Variants in MGAT4C observed in about 807,000 individuals in gnomAD.
MGAT4C encodes the protein alpha-1,3-mannosyl-glycoprotein 4-beta-N-acetylglucosaminyltransferase C.
MGAT4C carries 19 observed loss-of-function variants against 40.1 expected under a neutral mutation model. The observed-to-expected ratio is 0.47, with a 90% CI of 0.33 to 0.70. MGAT4C has a LOEUF of 0.70. MGAT4C is among the 30% of genes least tolerant of loss of function. The pLI is 0.02. For synonymous variants in MGAT4C, 181 were observed against 187.1 expected, an observed-to-expected ratio of 0.97 and a Z score of 0.27; for missense variants, 491 against 563.2, an observed-to-expected ratio of 0.87 and a Z score of 1.30.
At chr12:86,030,502 A>T (rs186911646) in intron 2 of MGAT4C, among the ~76,000 whole-genome samples, 1 of 151,890 alleles carries the variant, frequency 6.6e-6, no homozygotes, top group East Asian at 1.9e-4. Context: ...CCAACAATAA[A>T]AAACACTGAA....
chr12:86,152,311 T>C (rs1376806778), intron 1 of MGAT4C, among the ~76,000 whole-genome samples: 1 of 152,228 alleles, frequency 6.6e-6, no homozygotes, highest in Admixed American at 6.5e-5. Context: ...GCAGGTTCAG[T>C]GTCTGGTGAG....
chr12:86,111,076 TG>T (rs1877307052), intron 1 of MGAT4C, among the ~76,000 whole-genome samples: 1 of 151,812 alleles, frequency 6.6e-6, no homozygotes, highest in South Asian at 2.1e-4. Flanking sequence ...TTTAATAAAA[TG>T]TTAAAGTAAC....
At chr12:86,697,785 T>C (rs915900932) in intron 2 of MGAT4C, among the ~76,000 whole-genome samples, 3 of 152,216 alleles carry the variant, frequency 2.0e-5, no homozygotes, top group African/African-American at 4.8e-5. Flanking sequence ...GTAATGCAAG[T>C]ATATTGTAAT....
rs116207898 is a variant in MGAT4C at position 86,156,739 on chromosome 12, G to A, written c.-57+99500C>T. Among the ~76,000 whole-genome samples the A allele has an allele frequency of 6.3e-3, 963 of 152,234 alleles. 5 individuals carry two copies. The highest frequency in any genetic ancestry group is 0.022 in the African/African-American group (921 of 41,540). ...GAAAAACTCTATAAGGTTTTGTTAT[G>A]TTCATTTTTCATTTTTCTACTGAGT... On this transcript the variant is annotated intron_variant, in intron 1 of 4. Transcript: ENST00000611864.
chr12:86,014,574 G>A (rs1295624778), intron 2 of MGAT4C, among the ~76,000 whole-genome samples: 1 of 152,124 alleles, frequency 6.6e-6, no homozygotes, highest in Non-Finnish European at 1.5e-5. Context: ...CAGAGCTCGA[G>A]GGGGAGGTCC....
intron 2 of MGAT4C, among the ~76,000 whole-genome samples, chr12:86,603,692 CTA>C (rs969613797): frequency 1.8e-4 from 22 of 124,856 alleles, no homozygotes; most frequent in African/African-American, 6.7e-4. Flanking sequence ...TATATATAGA[CTA>C]TATATTATCT....
intron 3 of MGAT4C, among the ~76,000 whole-genome samples, chr12:86,343,887 GGTCTGTGTGCTTACATATGA>G (rs1954958558): frequency 6.6e-6 from 1 of 151,522 alleles, no homozygotes; most frequent in Non-Finnish European, 1.5e-5. Flanking sequence ...TTTTTTTATA[GGTCTGTGTGCTTACATATGA>G]GTGCACGCCT....
At chr12:86,334,850 G>A (rs1954748643) in intron 3 of MGAT4C, among the ~76,000 whole-genome samples, 2 of 152,000 alleles carry the variant, frequency 1.3e-5, no homozygotes, top group Admixed American at 6.6e-5. Context: ...TAATTTCTTA[G>A]AAGTTTTAGC....
intron 2 of MGAT4C, among the ~76,000 whole-genome samples, chr12:86,610,889 G>GAGAAAGA (rs1251948269): frequency 4.6e-5 from 7 of 152,038 alleles, no homozygotes; most frequent in Non-Finnish European, 8.8e-5. Context: ...ATGAAGAGAG[G>GAGAAAGA]AGAAAGAAGA....
At chr12:86,147,002 T>C (rs1189456068) in intron 1 of MGAT4C, among the ~76,000 whole-genome samples, 1 of 152,188 alleles carries the variant, frequency 6.6e-6, no homozygotes, top group Non-Finnish European at 1.5e-5. Context: ...TATCAGACCA[T>C]CTAAACAACA....
At chr12:86,281,368 C>T (rs1360646924) in intron 4 of MGAT4C, among the ~76,000 whole-genome samples, 1 of 151,898 alleles carries the variant, frequency 6.6e-6, no homozygotes, top group Non-Finnish European at 1.5e-5. Context: ...CTCTCCATCC[C>T]TCTCAATATA....
chr12:86,736,294 C>T (rs1281836841), intron 1 of MGAT4C, among the ~76,000 whole-genome samples: 1 of 151,694 alleles, frequency 6.6e-6, no homozygotes, highest in Non-Finnish European at 1.5e-5. Flanking sequence ...TTATAATTTT[C>T]TATTTTTTCA....
chr12:86,648,457 TG>T (rs1209081694), intron 2 of MGAT4C, among the ~76,000 whole-genome samples: 1 of 151,744 alleles, frequency 6.6e-6, no homozygotes, highest in Non-Finnish European at 1.5e-5. Context: ...GTCATGAGGG[TG>T]GGGCTTTCAT....
intron 1 of MGAT4C, among the ~76,000 whole-genome samples, chr12:86,113,558 A>G (rs1247448798): frequency 3.9e-5 from 6 of 151,946 alleles, no homozygotes; most frequent in Non-Finnish European, 5.9e-5. Flanking sequence ...GAAAAGGAGA[A>G]GTAGAGCATT....
At chr12:86,707,775 C>T (rs1290494088) in intron 2 of MGAT4C, among the ~76,000 whole-genome samples, 3 of 152,056 alleles carry the variant, frequency 2.0e-5, no homozygotes, top group South Asian at 4.1e-4. Flanking sequence ...AGGCAATCTA[C>T]ATACCTCAGC....
chr12:86,110,218 A>T (rs1446081884), intron 1 of MGAT4C, among the ~76,000 whole-genome samples: 8 of 143,906 alleles, frequency 5.6e-5, no homozygotes, highest in Non-Finnish European at 9.1e-5. Context: ...AAGCAAGTAT[A>T]TGCATTATGA....
rs544361166 is a variant in MGAT4C, at chr12:86,119,060, CAA to C, written c.-56-69339_-56-69338del. On this transcript the variant is annotated intron_variant, in intron 1 of 4. Coordinates refer to ENST00000611864, the MANE Select transcript of MGAT4C (RefSeq NM_001351288.2). ...AAAAAATCACATTAACAGTAGAACT[CAA>C]GAGAGCCTAATTTATACAATGAAAT... Among the ~76,000 whole-genome samples the C allele has an allele frequency of 6.6e-5, 10 of 151,946 alleles. No individual in the cohort carries two copies. The East Asian group carries it at 1.7e-3, about 26-fold the overall frequency.
intron 2 of MGAT4C, among the ~76,000 whole-genome samples, chr12:86,035,637 A>G (rs1261715650): frequency 1.3e-5 from 2 of 149,812 alleles, no homozygotes; most frequent in East Asian, 1.9e-4. Flanking sequence ...TGTTTTAGTC[A>G]TGAAGTTTTT....
intron 1 of MGAT4C, among the ~76,000 whole-genome samples, chr12:86,790,935 A>T (rs1952011122): frequency 6.6e-6 from 1 of 152,114 alleles, no homozygotes; most frequent in Non-Finnish European, 1.5e-5. Flanking sequence ...AAAAAAAAGC[A>T]CTGTATAACC....
Sources: gnomAD v4.1 joint callset for allele counts (sites outside exome capture counted in the v4.1 genomes callset) on GRCh38, gnomAD v4.1.1 for gene constraint, MANE v1.5 for transcripts, NCBI Gene and HGNC (gene_info 2026-07-23, HGNC 2026-07-21) for gene names.